The following SERGEF variants were observed in gnomAD, a reference collection of about 807,000 sequenced individuals.
SERGEF encodes the protein secretion regulating guanine nucleotide exchange factor.
A neutral mutation model predicts 50.0 loss-of-function variants in SERGEF; 51 were observed. That is an observed-to-expected ratio of 1.02 (90% confidence interval 0.81 to 1.29). The LOEUF is 1.29. Among genes scored for constraint, SERGEF ranks in the 50% most tolerant of loss-of-function variants. SERGEF has a pLI of 0.00. For synonymous variants in SERGEF, 205 were observed against 212.4 expected (o/e 0.97, Z 0.30); for missense variants, 521 against 557.0 (o/e 0.94, Z 0.65).
intron 10 of SERGEF, among the ~76,000 whole-genome samples, chr11:17,799,175 G>T (rs1247838994): frequency 6.6e-6 from 1 of 152,138 alleles, no homozygotes; most frequent in Non-Finnish European, 1.5e-5. Flanking sequence ...CCCTCTAGAA[G>T]TATGGTACCC....
intron 10 of SERGEF, among the ~76,000 whole-genome samples, chr11:17,793,908 C>T (rs1214759694): frequency 1.3e-5 from 2 of 152,226 alleles, no homozygotes; most frequent in African/African-American, 2.4e-5. Flanking sequence ...GGCAACGGAA[C>T]CTCAGGACTG....
chr11:17,959,436 G>A lies in SERGEF; in HGVS notation c.1011+34C>T, dbSNP rs530399560. 5.4e-5 allele frequency: 86 copies of A among 1,581,924 alleles called. 1 individual carries two copies. The East Asian group carries it at 8.7e-4, about 16-fold the overall frequency. ...TGATTCACTGAAAGACAAGAAAAAG[G>A]GACAGATTACATCTGTGAGAAGTCA... On this transcript the variant is annotated intron_variant, in intron 9 of 10. Coordinates refer to ENST00000265965, the MANE Select transcript of SERGEF (RefSeq NM_012139.4).
intron 1 of SERGEF, chr11:18,012,503 T>A (rs1178095161): frequency 1.0e-4 from 111 of 1,113,540 alleles, no homozygotes; most frequent in Non-Finnish European, 1.1e-4. Flanking sequence ...AGGCCTCACA[T>A]CTAAAGGATG....
chr11:17,986,512 G>T (rs1330068832), intron 8 of SERGEF, among the ~76,000 whole-genome samples: 1 of 152,246 alleles, frequency 6.6e-6, no homozygotes, highest in African/African-American at 2.4e-5. Context: ...CAGAGCAGCT[G>T]GGGTGACTCA....
intron 9 of SERGEF, among the ~76,000 whole-genome samples, chr11:17,915,713 T>C (rs1852036423): frequency 6.6e-6 from 1 of 152,182 alleles, no homozygotes; most frequent in African/African-American, 2.4e-5. Context: ...ACTGCCCAAC[T>C]CCACCACCCA....
chr11:17,836,729 C>A (rs1168155428), intron 10 of SERGEF, among the ~76,000 whole-genome samples: 1 of 152,188 alleles, frequency 6.6e-6, no homozygotes, highest in Non-Finnish European at 1.5e-5. Context: ...TGCTCTCTTG[C>A]CTAATCCCCT....
At chr11:17,975,346 G>GT (rs1853348954) in intron 8 of SERGEF, among the ~76,000 whole-genome samples, 1 of 152,194 alleles carries the variant, frequency 6.6e-6, no homozygotes, top group African/African-American at 2.4e-5. Context: ...CTTGATAAAT[G>GT]TGAGTGACCC....
At chr11:18,012,676 C>A in intron 1 of SERGEF, 1 of 1,179,622 alleles carries the variant, frequency 8.5e-7, no homozygotes, top group Non-Finnish European at 1.1e-6. Context: ...GAACCAGACG[C>A]TCTGCCCCGA....
chr11:17,897,655 C>A (rs184942454), intron 9 of SERGEF, among the ~76,000 whole-genome samples: 1 of 152,316 alleles, frequency 6.6e-6, no homozygotes, highest in African/African-American at 2.4e-5. Context: ...TGCATGATTT[C>A]ATTAATATGA....
intron 9 of SERGEF, among the ~76,000 whole-genome samples, chr11:17,878,943 T>C (rs1851289799): frequency 6.6e-6 from 1 of 152,238 alleles, no homozygotes; most frequent in Admixed American, 6.5e-5. Context: ...CCTGTCCTTA[T>C]GCCCTTAAAT....
rs958527896 is a variant in SERGEF at position 17,999,613 on chromosome 11, G to A, written c.508+884C>T. On this transcript the variant is annotated intron_variant, in intron 5 of 10. Transcript: ENST00000265965. ...AGTAAGAGCAGAAAAAATGAAAAGG[G>A]GAGAGATAAAAGGGTCACCATTCTC... 1.8e-5 allele frequency: 8 copies of A among 455,144 alleles called. No homozygotes were observed. The Admixed American group carries it at 1.9e-4, about 11-fold the overall frequency. 28.2% of individuals were successfully genotyped at this position (455,144 alleles called of 1,614,324 possible).
intron 10 of SERGEF, among the ~76,000 whole-genome samples, chr11:17,798,801 G>C (rs528973649): frequency 6.6e-6 from 1 of 152,194 alleles, no homozygotes; most frequent in Non-Finnish European, 1.5e-5. Flanking sequence ...GGCGTTATGG[G>C]CTTTTGTATC....
intron 9 of SERGEF, among the ~76,000 whole-genome samples, chr11:17,913,338 G>A (rs59881258): frequency 0.48 from 73,625 of 152,116 alleles, 19,244 homozygotes; most frequent in East Asian, 0.75. Context: ...ATAAATGAGC[G>A]TCCTGCTATG....
In SERGEF at chr11:18,007,527, G is replaced by A. The variant is rs77254534; in HGVS notation, c.196+414C>T. ...CAACATTGTAGCACTTGTACTACTT[G>A]TTAAGTGCTATCCTAGATACAGTAA... On this transcript the variant is annotated intron_variant, in intron 2 of 10. Transcript: ENST00000265965. Among the ~76,000 whole-genome samples, 664 of 152,278 alleles carry A rather than the reference G, an allele frequency of 4.4e-3. 10 individuals carry two copies. Among genetic ancestry groups the A allele is most frequent in the East Asian group, 0.041 (213 of 5,184 alleles).
At chr11:17,992,874 GCAGTCACATA>G in intron 7 of SERGEF, 47 bp downstream of exon 7, 2 of 1,386,872 alleles carry the variant, frequency 1.4e-6, no homozygotes, top group Non-Finnish European at 2.1e-6. Flanking sequence ...ACCACTTCAG[GCAGTCACATA>G]CAGAATCCTG....
At position 17,914,588 on chromosome 11, in the gene SERGEF, ATTT is replaced by A. The variant is rs1188592029; in HGVS notation, c.1012-36347_1012-36345del. Among the ~76,000 whole-genome samples the A allele has an allele frequency of 7.2e-5, 11 of 152,052 alleles. No individual in the cohort carries two copies. In the East Asian group the frequency reaches 2.1e-3, roughly 29 times the overall value. Reference sequence around the variant, plus strand: ...CATGTACTACTGCCCTCAGCTAAGTATTTTATTTTATTTTATTTTTATTTATGG... The same window carrying A: ...CATGTACTACTGCCCTCAGCTAAGTATATTTTATTTTATTTTTATTTATGG... On this transcript the variant is annotated intron_variant, in intron 9 of 10. Transcript: ENST00000265965.
intron 5 of SERGEF, among the ~76,000 whole-genome samples, chr11:17,998,440 CATATATATATATATATAT>C (rs60861006): frequency 0.013 from 449 of 33,744 alleles, 8 homozygotes; most frequent in African/African-American, 0.07. Context: ...TACATACATA[CATATATATATATATATAT>C]ATATATATAT....
chr11:17,969,207 G>T (rs1853194240), intron 8 of SERGEF, among the ~76,000 whole-genome samples: 1 of 151,992 alleles, frequency 6.6e-6, no homozygotes, highest in African/African-American at 2.4e-5. Flanking sequence ...GTTCCTCCAG[G>T]GTCCAGCAGC....
At chr11:17,921,289 G>C (rs1008463370) in intron 9 of SERGEF, among the ~76,000 whole-genome samples, 2 of 152,176 alleles carry the variant, frequency 1.3e-5, no homozygotes, top group Non-Finnish European at 2.9e-5. Flanking sequence ...GGTCATTTAT[G>C]ATGAGTCAGT....
Sources: allele counts gnomAD v4.1 joint callset (sites outside exome capture counted in the v4.1 genomes callset), GRCh38; gene constraint gnomAD v4.1.1; transcripts MANE v1.5; gene names NCBI Gene and HGNC (gene_info 2026-07-23, HGNC 2026-07-21).